SIPA1L1: variants seen among roughly 807,000 people sequenced by gnomAD.
SIPA1L1 encodes signal induced proliferation associated 1 like 1, also known as signal-induced proliferation-associated 1-like protein 1.
Under a neutral mutation model 162.7 loss-of-function variants are expected in SIPA1L1, and 26 were observed. The observed-to-expected ratio is 0.16, with a 90% CI of 0.12 to 0.22. The LOEUF (loss-of-function observed/expected upper bound fraction) is 0.22. Among genes scored for constraint, SIPA1L1 ranks in the 10% least tolerant of loss-of-function variants. SIPA1L1 has a pLI of 1.00. For synonymous variants in SIPA1L1, 829 were observed against 837.4 expected, an observed-to-expected ratio of 0.99 and a Z score of 0.17; for missense variants, 1,874 against 2,241.0, an observed-to-expected ratio of 0.84 and a Z score of 3.31.
intron 2 of SIPA1L1, among the ~76,000 whole-genome samples, chr14:71,474,128 T>C (rs2047673101): frequency 6.6e-6 from 1 of 152,218 alleles, no homozygotes; most frequent in Admixed American, 6.5e-5. Context: ...AAATTGACAC[T>C]TGGCTTATAA....
intron 3 of SIPA1L1, among the ~76,000 whole-genome samples, chr14:71,529,076 C>A (rs1052771169): frequency 2.0e-5 from 3 of 151,702 alleles, no homozygotes; most frequent in Admixed American, 6.6e-5. Context: ...CGCACCATTG[C>A]CCTCTAGCCT....
intron 7 of SIPA1L1, among the ~76,000 whole-genome samples, chr14:71,646,036 A>C (rs1270751345): frequency 6.6e-6 from 1 of 152,208 alleles, no homozygotes; most frequent in Non-Finnish European, 1.5e-5. Context: ...AGATGAGGTA[A>C]AATGCAAAAC....
At chr14:71,662,348 C>G (rs2043601752) in intron 10 of SIPA1L1, among the ~76,000 whole-genome samples, 1 of 152,242 alleles carries the variant, frequency 6.6e-6, no homozygotes, top group African/African-American at 2.4e-5. Flanking sequence ...CTCCTGCTGG[C>G]TGTCACCATC....
At chr14:71,548,960 CTA>C (rs2055521393) in intron 4 of SIPA1L1, among the ~76,000 whole-genome samples, 2 of 150,400 alleles carry the variant, frequency 1.3e-5, no homozygotes, top group African/African-American at 2.4e-5. Flanking sequence ...GTTTATTTGA[CTA>C]TGAGCAATTA....
intron 2 of SIPA1L1, among the ~76,000 whole-genome samples, chr14:71,404,247 A>G (rs192325262): frequency 2.6e-5 from 4 of 152,278 alleles, no homozygotes; most frequent in Middle Eastern, 3.4e-3. Flanking sequence ...ACTCACTTTT[A>G]TCTGAAAATT....
intron 4 of SIPA1L1, among the ~76,000 whole-genome samples, chr14:71,533,272 T>C (rs2053605942): frequency 6.6e-6 from 1 of 152,244 alleles, no homozygotes; most frequent in Admixed American, 6.5e-5. Context: ...TTTAATTATA[T>C]TCTAAAGTTG....
intron 15 of SIPA1L1, among the ~76,000 whole-genome samples, chr14:71,703,901 C>T (rs1275975792): frequency 6.6e-6 from 1 of 152,158 alleles, no homozygotes; most frequent in East Asian, 1.9e-4. Flanking sequence ...CCTGCATCCA[C>T]TTTACTTTAG....
At chr14:71,727,538 C>T (rs1485062075) in intron 19 of SIPA1L1, among the ~76,000 whole-genome samples, 2 of 151,972 alleles carry the variant, frequency 1.3e-5, no homozygotes, top group African/African-American at 2.4e-5. Context: ...ACTCCTGGGT[C>T]CCACTTGAAC....
intron 2 of SIPA1L1, among the ~76,000 whole-genome samples, chr14:71,349,706 CT>C (rs2036506122): frequency 1.3e-5 from 2 of 152,158 alleles, no homozygotes. Flanking sequence ...CACTGGGTTT[CT>C]AATTCCTGTG....
chr14:71,358,037 A>G (rs2037442161), intron 2 of SIPA1L1, among the ~76,000 whole-genome samples: 3 of 151,904 alleles, frequency 2.0e-5, no homozygotes, highest in African/African-American at 4.8e-5. Flanking sequence ...TATTTTTTGT[A>G]TTTTTGTAGA....
At chr14:71,570,353 A>G (rs186192035) in intron 4 of SIPA1L1, among the ~76,000 whole-genome samples, 6 of 151,760 alleles carry the variant, frequency 4.0e-5, no homozygotes, top group African/African-American at 7.3e-5. Flanking sequence ...GTTCACTGCA[A>G]CCTCCACCTC....
chr14:71,611,540 G>GCATCTATCAACCTGTCA (rs2038215452), intron 5 of SIPA1L1, among the ~76,000 whole-genome samples: 1 of 151,970 alleles, frequency 6.6e-6, no homozygotes, highest in African/African-American at 2.4e-5. Flanking sequence ...TTAGATATTT[G>GCATCTATCAACCTGTCA]TCCTAATCCT....
chr14:71,705,815 C>T (rs545609940), intron 16 of SIPA1L1, among the ~76,000 whole-genome samples: 33 of 152,144 alleles, frequency 2.2e-4, no homozygotes, highest in African/African-American at 7.5e-4. Flanking sequence ...TCTTTCATAG[C>T]CATACACATT....
At chr14:71,735,611 C>A in intron 22 of SIPA1L1, 1 of 472,340 alleles carries the variant, frequency 2.1e-6, no homozygotes, top group Admixed American at 3.8e-5. Flanking sequence ...GATGAATATT[C>A]ATTATTATTT....
intron 2 of SIPA1L1, among the ~76,000 whole-genome samples, chr14:71,390,694 A>G (rs2040674666): frequency 6.6e-6 from 1 of 152,146 alleles, no homozygotes; most frequent in African/African-American, 2.4e-5. Flanking sequence ...CAGGAATGGG[A>G]GGATCACTGG....
At chr14:71,391,689 G>C (rs1317294418) in intron 2 of SIPA1L1, among the ~76,000 whole-genome samples, 1 of 152,310 alleles carries the variant, frequency 6.6e-6, no homozygotes, top group South Asian at 2.1e-4. Context: ...GAACATGGGG[G>C]TTCTTTTTGT....
Position 71,597,277 on chromosome 14 carries a change from C to T in SIPA1L1, c.1498+7907C>T, listed in dbSNP as rs545912356. Among the ~76,000 whole-genome samples the T allele has an allele frequency of 1.7e-3, 259 of 152,218 alleles. 2 individuals carry two copies. The highest frequency in any genetic ancestry group is 5.8e-3 in the African/African-American group (240 of 41,536). On this transcript the variant is annotated intron_variant, in intron 5 of 23. Coordinates refer to ENST00000381232, the MANE Select transcript of SIPA1L1 (RefSeq NM_001386936.1). ...GATTATGTACGTGAGCCACTGCACC[C>T]GCCTTATAGTTATCTTTCATAATCG...
chr14:71,524,254 G>A (rs970966724), intron 3 of SIPA1L1, among the ~76,000 whole-genome samples: 2 of 152,112 alleles, frequency 1.3e-5, no homozygotes, highest in African/African-American at 4.8e-5. Context: ...TAGCCTCAGT[G>A]TCTATTATAG....
intron 4 of SIPA1L1, among the ~76,000 whole-genome samples, chr14:71,538,871 AGTT>A (rs1400447591): frequency 1.3e-5 from 2 of 152,206 alleles, no homozygotes; most frequent in Non-Finnish European, 2.9e-5. Flanking sequence ...TTTCTTAAGT[AGTT>A]ACAGTCTGTT....
Sources: gnomAD v4.1 joint callset for allele counts (sites outside exome capture counted in the v4.1 genomes callset) on GRCh38, gnomAD v4.1.1 for gene constraint, MANE v1.5 for transcripts, NCBI Gene and HGNC (gene_info 2026-07-23, HGNC 2026-07-21) for gene names.